DMD: variants seen among roughly 807,000 people sequenced by gnomAD.
DMD encodes the protein mutant dystrophin.
Under a neutral mutation model 330.1 loss-of-function variants are expected in DMD, and 63 were observed. That is an observed-to-expected ratio of 0.19 (90% CI 0.16 to 0.24). The LOEUF is 0.24. Ranked by LOEUF, DMD falls within the 10% of genes least tolerant of loss-of-function variation. DMD has a pLI of 1.00. For synonymous variants in DMD, 1,223 were observed against 959.8 expected, an observed-to-expected ratio of 1.27 and a Z score of -5.07; for missense variants, 3,344 against 2,684.1, an observed-to-expected ratio of 1.25 and a Z score of -5.43.
chrX:32,491,246 T>C (rs748025492), intron 20 of DMD, 31 bp downstream of exon 20: 2 of 1,208,560 alleles, frequency 1.7e-6, no homozygotes, highest in South Asian at 1.8e-5. Flanking sequence ...CTATTGATTA[T>C]GCTCCAAATG....
chrX:31,605,864 C>T (rs1347990634), intron 55 of DMD, among the ~76,000 whole-genome samples: 1 of 111,611 alleles, frequency 9.0e-6, no homozygotes, highest in Non-Finnish European at 1.9e-5. Flanking sequence ...ATTTTGGTGT[C>T]GTGGTTTTAT....
At position 31,266,159 on chromosome X, in the gene DMD, C is replaced by CAAAAAAAAAAAAAAAAAAAAAAAA. The variant is rs1174153877; in HGVS notation, c.9225-5167_9225-5144dup. Among the ~76,000 whole-genome samples, 4 of 13,333 alleles carry CAAAAAAAAAAAAAAAAAAAAAAAA rather than the reference C, an allele frequency of 3.0e-4. 1 individual carries two copies. The highest frequency in any genetic ancestry group is 7.4e-4 in the African/African-American group (2 of 2,692). The allele number at this position is 13,333 out of a possible 115,157, so 11.6% of individuals were successfully genotyped here. ...TGACTCCACACCCAATCCCGAAGGGCAAAAAAAAAAAAAAAAAAAAAAAAG... is the reference window on the plus strand; with the variant it reads ...TGACTCCACACCCAATCCCGAAGGGCAAAAAAAAAAAAAAAAAAAAAAAAAAAAAAAAAAAAAAAAAAAAAAAAG... On this transcript the variant is annotated intron_variant, in intron 62 of 78. Transcript: ENST00000357033.
intron 52 of DMD, among the ~76,000 whole-genome samples, chrX:31,698,702 A>ATT (rs1349086930): frequency 2.2e-4 from 25 of 111,573 alleles, no homozygotes; most frequent in African/African-American, 8.2e-4. Context: ...ATGAACGGGC[A>ATT]TTTTTTTTCA....
intron 44 of DMD, among the ~76,000 whole-genome samples, chrX:32,135,158 C>A (rs1160514423): frequency 1.8e-5 from 2 of 111,768 alleles, no homozygotes; most frequent in Admixed American, 1.9e-4. Context: ...AAAAGGTATC[C>A]TAGATTATTT....
intron 1 of DMD, among the ~76,000 whole-genome samples, chrX:33,285,597 G>A (rs901197096): frequency 3.6e-5 from 4 of 111,623 alleles, no homozygotes; most frequent in Non-Finnish European, 5.6e-5. Flanking sequence ...CTTCTCTGGC[G>A]ACTATCACCC....
chrX:31,212,188 GTGTGTGTGTGTGTT>G (rs2148616470), intron 64 of DMD, among the ~76,000 whole-genome samples: 1 of 106,029 alleles, frequency 9.4e-6, no homozygotes, highest in South Asian at 4.1e-4. Flanking sequence ...ATGTGTGTGT[GTGTGTGTGTGTGTT>G]TGTGTGTATT....
At chrX:31,243,969 CAA>C (rs72194725) in intron 63 of DMD, among the ~76,000 whole-genome samples, 26,898 of 111,485 alleles carry the variant, frequency 0.24, 2,479 homozygotes, top group East Asian at 0.46. Flanking sequence ...TAAGAGGCTA[CAA>C]AAGCCTTAAC....
intron 2 of DMD, among the ~76,000 whole-genome samples, chrX:32,890,252 C>A (rs973483748): frequency 7.2e-5 from 8 of 111,766 alleles, no homozygotes; most frequent in Admixed American, 4.8e-4. Context: ...TGCCCGGTTA[C>A]GAAGCTGTTG....
intron 44 of DMD, among the ~76,000 whole-genome samples, chrX:32,159,407 T>C (rs1225319696): frequency 1.8e-5 from 2 of 112,031 alleles, no homozygotes; most frequent in Non-Finnish European, 3.8e-5. Context: ...TTAATTATAA[T>C]CAGTACATTT....
intron 42 of DMD, among the ~76,000 whole-genome samples, chrX:32,297,654 C>T (rs2097503557): frequency 9.0e-6 from 1 of 111,442 alleles, no homozygotes; most frequent in African/African-American, 3.3e-5. Context: ...TCACCTTCTA[C>T]AGGAGAATAA....
rs149461319 is a variant in DMD at position 32,083,004 on chromosome X, C to G, written c.6439-114490G>C. ...CTGTTCCTATGTTTCTAAGGGCTTT[C>G]TCATTTACTCAATCTAATAATTTTT... On this transcript the variant is annotated intron_variant, in intron 44 of 78. Coordinates refer to ENST00000357033, the MANE Select transcript of DMD (RefSeq NM_004006.3). Among the ~76,000 whole-genome samples the G allele has an allele frequency of 4.9e-3, 548 of 112,015 alleles. 4 individuals carry two copies. Among genetic ancestry groups the G allele is most frequent in the African/African-American group, 0.017 (520 of 30,842 alleles).
intron 30 of DMD, among the ~76,000 whole-genome samples, chrX:32,403,984 A>G (rs894256325): frequency 1.8e-5 from 2 of 112,042 alleles, no homozygotes; most frequent in African/African-American, 6.5e-5. Flanking sequence ...TATTTACACT[A>G]TAAGAGTCTG....
At chrX:32,883,387 T>C (rs1156688800) in intron 2 of DMD, among the ~76,000 whole-genome samples, 2 of 111,953 alleles carry the variant, frequency 1.8e-5, no homozygotes, top group South Asian at 3.7e-4. Flanking sequence ...TTCTTTCTTA[T>C]GCATTTTTAA....
chrX:33,323,770 T>A (rs1433330269), intron 1 of DMD, among the ~76,000 whole-genome samples: 2 of 111,805 alleles, frequency 1.8e-5, no homozygotes, highest in Non-Finnish European at 3.8e-5. Flanking sequence ...GTAGATACAG[T>A]CTCAGTCTGT....
In DMD at chrX:32,216,973, G is replaced by A. The variant is rs980397432; in HGVS notation, c.6381C>T (p.Leu2127=). The A allele has an allele frequency of 1.1e-5, 13 of 1,206,473 alleles. No individual in the cohort carries two copies. The highest frequency in any genetic ancestry group is 1.5e-5 in the Non-Finnish European group (13 of 891,362). The change falls in exon 44 of 79, where the codon CTC becomes CTT. Residue 2127 remains leucine, a synonymous_variant. Transcript: ENST00000357033. The part of the protein sequence containing the change: ...NQWLTEAEQF[L]RKTQIPENWE... ...AATTCTCAGGAATTTGTGTCTTTCTGAGAAACTGTTCAGCTTCTGTTAGCC... is the reference window on the plus strand; with the variant it reads ...AATTCTCAGGAATTTGTGTCTTTCTAAGAAACTGTTCAGCTTCTGTTAGCC...
chrX:31,839,941 T>C (rs1318541603), intron 48 of DMD, among the ~76,000 whole-genome samples: 1 of 111,883 alleles, frequency 8.9e-6, no homozygotes, highest in Non-Finnish European at 1.9e-5. Context: ...GAGGATCATA[T>C]TTCCTATACA....
chrX:32,835,844 C>T (rs2079566507), intron 4 of DMD, among the ~76,000 whole-genome samples: 1 of 110,888 alleles, frequency 9.0e-6, no homozygotes, highest in Non-Finnish European at 1.9e-5. Flanking sequence ...CCAGAAATTA[C>T]CAAAAAGTAT....
intron 9 of DMD, among the ~76,000 whole-genome samples, chrX:32,676,366 T>A (rs2061968110): frequency 9.0e-6 from 1 of 111,150 alleles, no homozygotes; most frequent in African/African-American, 3.3e-5. Flanking sequence ...ATCTACCAGA[T>A]TTTCAACATG....
intron 45 of DMD, among the ~76,000 whole-genome samples, chrX:31,937,850 C>A (rs151140240): frequency 0.027 from 3,017 of 111,613 alleles, 40 homozygotes; most frequent in Non-Finnish European, 0.038. Context: ...TTAACATTAC[C>A]CATCTGCAAA....
Sources: allele counts gnomAD v4.1 joint callset (sites outside exome capture counted in the v4.1 genomes callset), GRCh38; gene constraint gnomAD v4.1.1; transcripts MANE v1.5; gene names NCBI Gene and HGNC (gene_info 2026-07-23, HGNC 2026-07-21).